Variants in CROT observed in about 807,000 individuals in gnomAD.
The protein encoded by CROT is carnitine O-octanoyltransferase, also known as peroxisomal carnitine O-octanoyltransferase.
Under a neutral mutation model 89.2 loss-of-function variants are expected in CROT, and 84 were observed. The observed-to-expected ratio is 0.94, with a 90% CI of 0.79 to 1.13. The LOEUF is 1.13. CROT is among the 50% of genes most tolerant of loss of function. The probability of loss-of-function intolerance (pLI) is 0.00; values close to 1 mark genes in which losing one functional copy is unlikely to be tolerated. For missense variants in CROT, 711 were observed against 727.8 expected (o/e 0.98, Z 0.27); for synonymous variants, 212 against 239.5 (o/e 0.89, Z 1.06).
intron 17 of CROT, among the ~76,000 whole-genome samples, chr7:87,393,438 GAGAT>G (rs1249172730): frequency 6.6e-6 from 1 of 152,160 alleles, no homozygotes; most frequent in Non-Finnish European, 1.5e-5. Context: ...CAATATTAAT[GAGAT>G]AGAGAAAAGA....
At chr7:87,352,716 A>ACAAAAC (rs1206300877) in intron 3 of CROT, among the ~76,000 whole-genome samples, 1 of 152,194 alleles carries the variant, frequency 6.6e-6, no homozygotes, top group Non-Finnish European at 1.5e-5. Context: ...ATAGAGGAAA[A>ACAAAAC]CAAAACATAA....
rs1274292690 is a variant in CROT at position 87,360,821 on chromosome 7, A to G, written c.241-569A>G. Among the ~76,000 whole-genome samples the G allele has an allele frequency of 2.0e-5, 3 of 152,270 alleles. No individual in the cohort carries two copies. The East Asian group carries it at 5.8e-4, about 29-fold the overall frequency. Reference sequence around the variant, plus strand: ...TGACTACAATACAATGATATTTCTGAAGGTATCTTTTGGTGCTTTCTTGAT... The same window carrying G: ...TGACTACAATACAATGATATTTCTGGAGGTATCTTTTGGTGCTTTCTTGAT... On this transcript the variant is annotated intron_variant, in intron 4 of 17. Coordinates refer to ENST00000331536, the MANE Select transcript of CROT (RefSeq NM_021151.4).
rs141273860 is a variant in CROT, at chr7:87,345,727, T to TGCGGCAGAG, written c.-147_-139dup. 0.031 allele frequency: 10,608 copies of TGCGGCAGAG among 347,670 alleles called. 535 individuals are homozygous for TGCGGCAGAG. The highest frequency in any genetic ancestry group is 0.14 in the African/African-American group (6,698 of 47,540). The allele number at this position is 347,670 out of a possible 1,614,324, so 21.5% of individuals were successfully genotyped here. Reference sequence around the variant, plus strand: ...AGCCGGTGCTGCTGCAGGCTGAGGCTGCGGCAGAGGCGGCGAGGCGCGGGC... The same window carrying TGCGGCAGAG: ...AGCCGGTGCTGCTGCAGGCTGAGGCTGCGGCAGAGGCGGCAGAGGCGGCGAGGCGCGGGC... On this transcript the variant is annotated 5_prime_UTR_variant, in exon 1 of 18. Transcript: ENST00000331536.
At chr7:87,355,134 C>G (rs899833634) in intron 3 of CROT, among the ~76,000 whole-genome samples, 1 of 150,668 alleles carries the variant, frequency 6.6e-6, no homozygotes, top group African/African-American at 2.4e-5. Flanking sequence ...GGGCCTCGCT[C>G]TCTTGCCCAG....
At chr7:87,377,679 C>T (rs1272549218) in intron 10 of CROT, among the ~76,000 whole-genome samples, 2 of 152,086 alleles carry the variant, frequency 1.3e-5, no homozygotes. Context: ...ATGGGATTTG[C>T]ATATAATATT....
chr7:87,390,217 T>C (rs1397147705), intron 13 of CROT, among the ~76,000 whole-genome samples: 1 of 152,188 alleles, frequency 6.6e-6, no homozygotes, highest in Non-Finnish European at 1.5e-5. Flanking sequence ...ATAAATCCAA[T>C]AGTTAATGCT....
intron 13 of CROT, among the ~76,000 whole-genome samples, chr7:87,383,308 A>G (rs1807083369): frequency 1.3e-5 from 2 of 151,944 alleles, no homozygotes; most frequent in African/African-American, 4.8e-5. Context: ...TTTACTGTCT[A>G]CTTCCACGAG....
chr7:87,384,656 T>C (rs1943913102), intron 13 of CROT, among the ~76,000 whole-genome samples: 1 of 152,226 alleles, frequency 6.6e-6, no homozygotes, highest in Non-Finnish European at 1.5e-5. Context: ...TTTGCAGATA[T>C]TTTCTCCCAT....
chr7:87,349,828 G>T (rs1805812638), intron 3 of CROT, among the ~76,000 whole-genome samples: 1 of 152,170 alleles, frequency 6.6e-6, no homozygotes, highest in African/African-American at 2.4e-5. Flanking sequence ...CTTAAGGGGA[G>T]ATAAAGGGTG....
intron 17 of CROT, 105 bp downstream of exon 17, chr7:87,393,172 C>A: frequency 8.3e-7 from 1 of 1,207,410 alleles, no homozygotes; most frequent in Non-Finnish European, 1.2e-6. Flanking sequence ...TGCCATCTGT[C>A]ACTTGCTACA....
Position 87,359,827 on chromosome 7 carries a change from T to G in CROT, c.240+497T>G, listed in dbSNP as rs991130067. 1.4e-5 allele frequency: 14 copies of G among 983,540 alleles called. No homozygotes were observed. The African/African-American group carries it at 2.4e-4, about 17-fold the overall frequency. The allele number at this position is 983,540 out of a possible 1,614,324, so 60.9% of individuals were successfully genotyped here. Reference sequence around the variant, plus strand: ...TTGAGGAAGCTAGTATAATAATTATTGAAGGTCTCAATAATTTTCCACAAA... The same window carrying G: ...TTGAGGAAGCTAGTATAATAATTATGGAAGGTCTCAATAATTTTCCACAAA... On this transcript the variant is annotated intron_variant, in intron 4 of 17. Coordinates refer to ENST00000331536, the MANE Select transcript of CROT (RefSeq NM_021151.4).
intron 13 of CROT, among the ~76,000 whole-genome samples, chr7:87,388,225 A>G (rs111362640): frequency 1.3e-5 from 2 of 152,096 alleles, no homozygotes; most frequent in African/African-American, 2.4e-5. Flanking sequence ...ATTCGATGCT[A>G]TCTCCATCAA....
chr7:87,383,584 C>T (rs1343359913), intron 13 of CROT, among the ~76,000 whole-genome samples: 4 of 151,296 alleles, frequency 2.6e-5, no homozygotes, highest in Admixed American at 1.3e-4. Context: ...CAACCTCTAC[C>T]TCCTGGGTTC....
At chr7:87,355,276 T>C (rs1373790075) in intron 3 of CROT, among the ~76,000 whole-genome samples, 1 of 152,044 alleles carries the variant, frequency 6.6e-6, no homozygotes, top group African/African-American at 2.4e-5. Flanking sequence ...ATTTTTGTAT[T>C]TTTTGTAGAA....
chr7:87,388,361 C>T (rs1173317260), intron 13 of CROT, among the ~76,000 whole-genome samples: 2 of 152,106 alleles, frequency 1.3e-5, no homozygotes, highest in Non-Finnish European at 2.9e-5. Context: ...TATCATGCTA[C>T]CTGACTTCAA....
At position 87,359,650 on chromosome 7, in the gene CROT, G is replaced by T. The variant is rs565990141; in HGVS notation, c.240+320G>T. 35 of 1,076,982 alleles carry T rather than the reference G, an allele frequency of 3.2e-5. No homozygotes were observed. The African/African-American group carries it at 5.6e-4, about 17-fold the overall frequency. The allele number at this position is 1,076,982 out of a possible 1,614,324, so 66.7% of individuals were successfully genotyped here. A position where few individuals can be genotyped will look rare whatever the true frequency, so the allele number is the denominator to read the frequency against. Reference sequence around the variant, plus strand: ...AGACCATGCTGAAGGAAAACATTTTGTCCAGGTGACTAGCTTGAAAAATCA... The same window carrying T: ...AGACCATGCTGAAGGAAAACATTTTTTCCAGGTGACTAGCTTGAAAAATCA... On this transcript the variant is annotated intron_variant, in intron 4 of 17. Coordinates refer to ENST00000331536, the MANE Select transcript of CROT (RefSeq NM_021151.4).
intron 6 of CROT, among the ~76,000 whole-genome samples, chr7:87,364,477 T>C (rs991918845): frequency 4.6e-5 from 7 of 152,208 alleles, no homozygotes; most frequent in African/African-American, 1.7e-4. Flanking sequence ...TGGACAGAGG[T>C]TGCCCTTGAC....
rs1807675232 is a variant in CROT at position 87,399,368 on chromosome 7, T to C, written c.*724T>C. On this transcript the variant is annotated 3_prime_UTR_variant, in exon 18 of 18. Coordinates refer to ENST00000331536, the MANE Select transcript of CROT (RefSeq NM_021151.4). ...CATGTGTGCCTGTAGTCCAAGCTAC[T>C]TGAAGGCTGAGACAGGAGGATCGGT... 1 of 152,352 alleles carries C rather than the reference T, an allele frequency of 6.6e-6. No homozygotes were observed. The highest frequency in any genetic ancestry group is 1.5e-5 in the Non-Finnish European group (1 of 68,242). 9.4% of individuals were successfully genotyped at this position (152,352 alleles called of 1,614,324 possible).
At chr7:87,388,778 GATCTAATTAA>G (rs1371036089) in intron 13 of CROT, among the ~76,000 whole-genome samples, 16 of 152,132 alleles carry the variant, frequency 1.1e-4, no homozygotes, top group Non-Finnish European at 2.2e-4. Context: ...TGACAAATGG[GATCTAATTAA>G]ACTAAAGAGC....
Sources: gnomAD v4.1 joint callset for allele counts (sites outside exome capture counted in the v4.1 genomes callset) on GRCh38, gnomAD v4.1.1 for gene constraint, MANE v1.5 for transcripts, NCBI Gene and HGNC (gene_info 2026-07-23, HGNC 2026-07-21) for gene names.